The following NAV2 variants were observed in gnomAD, a reference collection of about 807,000 sequenced individuals.
NAV2 encodes helicase, APC down-regulated 1.
In NAV2, 54 loss-of-function variants were observed where a neutral mutation model predicts 223.2. That is an observed-to-expected ratio of 0.24 (90% CI 0.19 to 0.30). NAV2 has a LOEUF of 0.30. Ranked by LOEUF, NAV2 falls within the 10% of genes least tolerant of loss-of-function variation. The pLI is 1.00. For synonymous variants in NAV2, 1,279 were observed against 1,239.3 expected, an observed-to-expected ratio of 1.03 and a Z score of -0.67; for missense variants, 2,806 against 3,147.5, an observed-to-expected ratio of 0.89 and a Z score of 2.60.
chr11:19,520,895 T>G (rs1389997849), intron 1 of NAV2, among the ~76,000 whole-genome samples: 2 of 152,146 alleles, frequency 1.3e-5, no homozygotes, highest in Non-Finnish European at 2.9e-5. Flanking sequence ...ACCATTTCAT[T>G]ACTCATCTGC....
chr11:19,846,790 A>T (rs117355280), intron 3 of NAV2, among the ~76,000 whole-genome samples: 1 of 152,206 alleles, frequency 6.6e-6, no homozygotes, highest in East Asian at 1.9e-4. Context: ...GCCCTGGTAA[A>T]ATGGCACCAG....
chr11:19,946,877 C>G (rs144547241), intron 9 of NAV2, among the ~76,000 whole-genome samples: 1 of 152,310 alleles, frequency 6.6e-6, no homozygotes, highest in East Asian at 1.9e-4. Flanking sequence ...CCTACCCAAT[C>G]TTCTGATATG....
intron 1 of NAV2, among the ~76,000 whole-genome samples, chr11:19,647,404 G>A (rs1378710610): frequency 2.6e-5 from 4 of 151,998 alleles, no homozygotes; most frequent in African/African-American, 9.7e-5. Flanking sequence ...AAATTCATAA[G>A]TCCACTTGCA....
At chr11:19,762,318 C>T (rs1472989417) in intron 1 of NAV2, among the ~76,000 whole-genome samples, 1 of 152,226 alleles carries the variant, frequency 6.6e-6, no homozygotes, top group Non-Finnish European at 1.5e-5. Flanking sequence ...AATACTTCTT[C>T]ATGACTCCCC....
intron 1 of NAV2, among the ~76,000 whole-genome samples, chr11:19,699,001 T>C (rs1432954879): frequency 2.0e-5 from 3 of 152,200 alleles, no homozygotes; most frequent in Non-Finnish European, 4.4e-5. Context: ...TTGCAGTTGT[T>C]CCAGATCCTA....
At chr11:19,509,467 G>A (rs1307356599) in intron 1 of NAV2, among the ~76,000 whole-genome samples, 1 of 152,188 alleles carries the variant, frequency 6.6e-6, no homozygotes, top group Non-Finnish European at 1.5e-5. Context: ...GTCTTGCTCA[G>A]CTTTTACTGC....
chr11:19,910,010 A>G (rs1019930839), intron 6 of NAV2, among the ~76,000 whole-genome samples: 1 of 152,182 alleles, frequency 6.6e-6, no homozygotes, highest in Non-Finnish European at 1.5e-5. Context: ...GTCACTGCCC[A>G]TCGTGGGGTG....
chr11:20,044,271 T>G lies in NAV2; in HGVS notation c.3198T>G (p.Thr1066=). 1.2e-6 allele frequency: 2 copies of G among 1,605,002 alleles called. No individual in the cohort carries two copies. Among genetic ancestry groups the G allele is most frequent in the South Asian group, 2.2e-5 (2 of 90,914 alleles). The part of the protein sequence containing the change: ...APAGALKTPG[T]GKTDDAKVSE... Reference sequence around the variant, plus strand: ...CAGGCGCACTGAAGACCCCAGGAACTGGTAAGAGGCCGGGGCTGTCTTGGC... The same window carrying G: ...CAGGCGCACTGAAGACCCCAGGAACGGGTAAGAGGCCGGGGCTGTCTTGGC... The change falls in exon 13 of 38, where the codon ACT becomes ACG. Residue 1066 remains threonine (T), a splice_region_variant and synonymous_variant. Transcript: ENST00000349880.
chr11:19,717,927 A>G (rs780481689), intron 1 of NAV2, among the ~76,000 whole-genome samples: 7 of 152,156 alleles, frequency 4.6e-5, no homozygotes, highest in Non-Finnish European at 7.4e-5. Flanking sequence ...CATCTCCATC[A>G]AGTGTGAAAA....
At chr11:19,902,008 G>C (rs192741755) in intron 6 of NAV2, among the ~76,000 whole-genome samples, 26 of 152,286 alleles carry the variant, frequency 1.7e-4, no homozygotes, top group Non-Finnish European at 3.4e-4. Flanking sequence ...CCTAGCTGGA[G>C]AATCATCTTT....
At chr11:19,861,600 G>A (rs1406436014) in intron 3 of NAV2, among the ~76,000 whole-genome samples, 1 of 152,190 alleles carries the variant, frequency 6.6e-6, no homozygotes, top group Admixed American at 6.5e-5. Context: ...GGTAATTGCT[G>A]AGCATCATCA....
intron 10 of NAV2, among the ~76,000 whole-genome samples, chr11:19,949,371 A>G (rs1014502817): frequency 6.6e-6 from 1 of 152,204 alleles, no homozygotes; most frequent in Non-Finnish European, 1.5e-5. Flanking sequence ...GACTACTTGC[A>G]GGTTAGACGG....
intron 6 of NAV2, among the ~76,000 whole-genome samples, chr11:19,921,228 T>G (rs1486261900): frequency 6.6e-6 from 1 of 152,226 alleles, no homozygotes; most frequent in East Asian, 1.9e-4. Flanking sequence ...ATGACTCCTT[T>G]TTTTTCTTCT....
chr11:19,692,818 T>C (rs2049218425), intron 1 of NAV2, among the ~76,000 whole-genome samples: 1 of 152,190 alleles, frequency 6.6e-6, no homozygotes, highest in Non-Finnish European at 1.5e-5. Context: ...TTCAAGTGTG[T>C]GCATGTGTGT....
At chr11:19,869,706 G>A (rs2153049923) in intron 4 of NAV2, among the ~76,000 whole-genome samples, 1 of 152,308 alleles carries the variant, frequency 6.6e-6, no homozygotes, top group African/African-American at 2.4e-5. Flanking sequence ...TCATTAGGCT[G>A]CACCTGCCTC....
In NAV2 at chr11:19,399,879, G is replaced by A. The variant is rs140425077; in HGVS notation, c.75+48852G>A. ...TCTGATGGGATGGCTCTAGGAGTACGGAAGAGAAGCCCCTTACCCAGCCTG... is the reference window on the plus strand; with the variant it reads ...TCTGATGGGATGGCTCTAGGAGTACAGAAGAGAAGCCCCTTACCCAGCCTG... On this transcript the variant is annotated intron_variant, in intron 1 of 37. Transcript: ENST00000360655. 7.0e-4 allele frequency among the ~76,000 whole-genome samples: 107 copies of A among 152,324 alleles called. 1 individual carries two copies. Among genetic ancestry groups the A allele is most frequent in the Middle Eastern group, 3.4e-3 (1 of 294 alleles).
At chr11:19,787,253 G>C (rs2057180349) in intron 1 of NAV2, among the ~76,000 whole-genome samples, 1 of 145,054 alleles carries the variant, frequency 6.9e-6, no homozygotes, top group South Asian at 2.2e-4. Flanking sequence ...AACATGCCTG[G>C]CTAATTTTTA....
chr11:20,083,745 A>ACTAG (rs1207238118), intron 26 of NAV2, among the ~76,000 whole-genome samples: 61 of 152,230 alleles, frequency 4.0e-4, no homozygotes, highest in Admixed American at 3.9e-3. Context: ...GTTTGGTTGT[A>ACTAG]TAAACTTCAG....
chr11:19,849,603 C>T (rs568684132), intron 3 of NAV2, among the ~76,000 whole-genome samples: 38 of 152,222 alleles, frequency 2.5e-4, no homozygotes, highest in Non-Finnish European at 5.4e-4. Flanking sequence ...GCCCTCCCAA[C>T]AGCTGCCAGA....
Sources: gnomAD v4.1 joint callset for allele counts (sites outside exome capture counted in the v4.1 genomes callset) on GRCh38, gnomAD v4.1.1 for gene constraint, MANE v1.5 for transcripts, NCBI Gene and HGNC (gene_info 2026-07-23, HGNC 2026-07-21) for gene names.